GRM8: variants seen among roughly 807,000 people sequenced by gnomAD.
GRM8 encodes metabotropic glutamate receptor 8.
Under a neutral mutation model 87.2 loss-of-function variants are expected in GRM8, and 47 were observed. The ratio of observed to expected loss-of-function variants is 0.54; its 90% CI spans 0.43 to 0.69. GRM8 has a LOEUF of 0.69. GRM8 is among the 30% of genes least tolerant of loss of function. The probability of loss-of-function intolerance (pLI) is 0.00; values close to 1 mark genes in which losing one functional copy is unlikely to be tolerated. For synonymous variants in GRM8, 396 were observed against 404.5 expected (o/e 0.98, Z 0.25); for missense variants, 1,019 against 1,139.2 (o/e 0.89, Z 1.52).
chr7:127,102,917 C>T (rs1825439346), intron 3 of GRM8, among the ~76,000 whole-genome samples: 1 of 152,228 alleles, frequency 6.6e-6, no homozygotes, highest in Non-Finnish European at 1.5e-5. Flanking sequence ...GGTTGAAGTG[C>T]ATTGGTGGAA....
intron 8 of GRM8, among the ~76,000 whole-genome samples, chr7:126,562,304 A>G (rs1474343234): frequency 6.6e-6 from 1 of 152,212 alleles, no homozygotes; most frequent in Non-Finnish European, 1.5e-5. Context: ...AGGCATCACC[A>G]AAACCTTGTA....
At chr7:126,626,969 C>A (rs1800769294) in intron 7 of GRM8, among the ~76,000 whole-genome samples, 1 of 152,262 alleles carries the variant, frequency 6.6e-6, no homozygotes, top group East Asian at 1.9e-4. Context: ...GATTTAATAT[C>A]TTTATATTGT....
chr7:126,988,574 T>C (rs1812339867), intron 3 of GRM8, among the ~76,000 whole-genome samples: 1 of 152,200 alleles, frequency 6.6e-6, no homozygotes, highest in Non-Finnish European at 1.5e-5. Flanking sequence ...CTATTGGGTG[T>C]TCTTGTACAA....
intron 7 of GRM8, among the ~76,000 whole-genome samples, chr7:126,748,215 T>C (rs1815943538): frequency 6.6e-6 from 1 of 152,036 alleles, no homozygotes; most frequent in Admixed American, 6.6e-5. Context: ...AAGGAAGTAA[T>C]AAAACTATCT....
At chr7:126,935,947 G>T (rs1331901698) in intron 3 of GRM8, among the ~76,000 whole-genome samples, 1 of 152,184 alleles carries the variant, frequency 6.6e-6, no homozygotes, top group South Asian at 2.1e-4. Context: ...ATTCAGACAG[G>T]GTAAGCTCAT....
intron 3 of GRM8, among the ~76,000 whole-genome samples, chr7:127,044,934 C>G (rs1239922948): frequency 6.6e-6 from 1 of 152,114 alleles, no homozygotes; most frequent in Non-Finnish European, 1.5e-5. Flanking sequence ...GTCATATTTG[C>G]TTCAGATTTT....
At chr7:127,097,508 A>G (rs1323147799) in intron 3 of GRM8, among the ~76,000 whole-genome samples, 1 of 151,786 alleles carries the variant, frequency 6.6e-6, no homozygotes, top group African/African-American at 2.4e-5. Context: ...TCAAGCAAAA[A>G]CCCTCTGCTA....
chr7:126,747,197 T>C (rs545577543), intron 7 of GRM8, among the ~76,000 whole-genome samples: 36 of 152,134 alleles, frequency 2.4e-4, no homozygotes, highest in African/African-American at 8.4e-4. Flanking sequence ...GCCGTATACA[T>C]AGACGTTACT....
intron 7 of GRM8, among the ~76,000 whole-genome samples, chr7:126,650,080 T>C (rs777803053): frequency 7.2e-5 from 11 of 152,162 alleles, no homozygotes; most frequent in Non-Finnish European, 8.8e-5. Context: ...TGACTATGGG[T>C]CATCAAGTCA....
At chr7:127,067,108 T>C (rs1055689045) in intron 3 of GRM8, among the ~76,000 whole-genome samples, 2 of 152,152 alleles carry the variant, frequency 1.3e-5, no homozygotes, top group African/African-American at 4.8e-5. Context: ...AAGTAGGCTC[T>C]CTCCATTCCA....
At chr7:126,772,591 G>A (rs533586506) in intron 6 of GRM8, among the ~76,000 whole-genome samples, 4 of 152,126 alleles carry the variant, frequency 2.6e-5, no homozygotes, top group African/African-American at 9.6e-5. Flanking sequence ...CTTCCATACA[G>A]CAATCCTCAA....
rs181673721 is a variant in GRM8, at chr7:126,888,552, T to C, written c.1156+13990A>G. 3.9e-5 allele frequency among the ~76,000 whole-genome samples: 6 copies of C among 152,274 alleles called. No individual in the cohort carries two copies. The South Asian group carries it at 1.2e-3, about 32-fold the overall frequency. On this transcript the variant is annotated intron_variant, in intron 6 of 10. Coordinates refer to ENST00000339582, the MANE Select transcript of GRM8 (RefSeq NM_000845.3). ...GTTGGCCAGTAGGATTTAAATTTTA[T>C]TTAAATTATCTCATATTCTGATGGA...
intron 3 of GRM8, among the ~76,000 whole-genome samples, chr7:126,984,124 T>C (rs1312899791): frequency 1.3e-5 from 2 of 152,240 alleles, no homozygotes; most frequent in African/African-American, 2.4e-5. Context: ...CTCTATGGAA[T>C]AGCATTTGGC....
rs140550580 is a variant in GRM8, at chr7:126,722,167, T to C, written c.1357+47698A>G. Among the ~76,000 whole-genome samples, 158 of 152,262 alleles carry C rather than the reference T, an allele frequency of 1.0e-3. 1 individual carries two copies. The highest frequency in any genetic ancestry group is 3.7e-3 in the African/African-American group (155 of 41,576). ...TTAATCTTATTTCCAACTGGACCTC[T>C]CCAGAACCCTGCATGAGGAACTCAA... On this transcript the variant is annotated intron_variant, in intron 7 of 10. Transcript: ENST00000339582.
intron 2 of GRM8, among the ~76,000 whole-genome samples, chr7:127,231,639 A>G (rs960004424): frequency 2.6e-5 from 4 of 152,174 alleles, no homozygotes; most frequent in African/African-American, 9.7e-5. Flanking sequence ...CATGTCAGCC[A>G]TCTCTGGCAG....
At chr7:126,699,157 A>G (rs1318371749) in intron 7 of GRM8, among the ~76,000 whole-genome samples, 1 of 152,182 alleles carries the variant, frequency 6.6e-6, no homozygotes, top group Non-Finnish European at 1.5e-5. Context: ...CCTCCCAGTG[A>G]ATTAATGGGT....
At chr7:126,657,651 A>T (rs1804676325) in intron 7 of GRM8, among the ~76,000 whole-genome samples, 1 of 152,260 alleles carries the variant, frequency 6.6e-6, no homozygotes, top group African/African-American at 2.4e-5. Context: ...TTAGGAAGAA[A>T]GTGTTTGCCT....
At chr7:127,065,764 T>C (rs1392335632) in intron 3 of GRM8, among the ~76,000 whole-genome samples, 2 of 152,194 alleles carry the variant, frequency 1.3e-5, no homozygotes, top group Non-Finnish European at 2.9e-5. Context: ...ACCAGCGAAG[T>C]CTGGGACAGA....
In GRM8 at chr7:126,563,807, G is replaced by A. The variant is rs116777616; in HGVS notation, c.1495-29920C>T. ...GTATACTTGGGGCTACCACAACAGA[G>A]AAGGATGGTAAGATAGTTTATTTTA... On this transcript the variant is annotated intron_variant, in intron 8 of 10. Coordinates refer to ENST00000339582, the MANE Select transcript of GRM8 (RefSeq NM_000845.3). 3.4e-3 allele frequency among the ~76,000 whole-genome samples: 524 copies of A among 152,326 alleles called. 7 individuals carry two copies. Among genetic ancestry groups the A allele is most frequent in the African/African-American group, 0.012 (489 of 41,580 alleles).
Sources: gnomAD v4.1 joint callset for allele counts (sites outside exome capture counted in the v4.1 genomes callset) on GRCh38, gnomAD v4.1.1 for gene constraint, MANE v1.5 for transcripts, NCBI Gene and HGNC (gene_info 2026-07-23, HGNC 2026-07-21) for gene names.